FAM81B: variants seen among roughly 807,000 people sequenced by gnomAD.
FAM81B encodes family with sequence similarity 81 member B.
In FAM81B, 60 loss-of-function variants were observed where a neutral mutation model predicts 58.7. The ratio of observed to expected loss-of-function variants is 1.02; its 90% CI spans 0.83 to 1.27. The LOEUF (loss-of-function observed/expected upper bound fraction) is 1.27. FAM81B is among the 50% of genes most tolerant of loss of function. The pLI is 0.00. For synonymous variants in FAM81B, 189 were observed against 179.6 expected (o/e 1.05, Z -0.42); for missense variants, 491 against 522.0 (o/e 0.94, Z 0.58).
In FAM81B at chr5:95,446,567, A is replaced by C. The variant is rs1214330640; in HGVS notation, c.899A>C (p.His300Pro). ...CAAAACATTTTTTCCCATAGATTTC[A>C]TTCACTTTCAAGTAATCTGTACGAA... ...HEMNLLEFKF[H>P]SLSSNLYEEV... Residue 300 changes from histidine (H) to proline (P), a missense_variant, in exon 8 of 10, where the codon CAT becomes CCT. Physicochemically the swap from His to Pro is moderately conservative, Grantham distance 77 (BLOSUM62 -2). Transcript: ENST00000283357. The C allele has an allele frequency of 6.3e-7, 1 of 1,580,102 alleles. No individual in the cohort carries two copies. Among genetic ancestry groups the C allele is most frequent in the Admixed American group, 2.0e-5 (1 of 50,454 alleles).
Position 95,448,574 on chromosome 5 carries a change from C to T in FAM81B, c.1225+110C>T, listed in dbSNP as rs766722223. The T allele has an allele frequency of 2.9e-5, 28 of 980,270 alleles. 1 individual carries two copies. The highest frequency in any genetic ancestry group is 2.7e-4 in the South Asian group (15 of 55,816). 60.7% of individuals were successfully genotyped at this position (980,270 alleles called of 1,614,324 possible). A position where few individuals can be genotyped will look rare whatever the true frequency, so the allele number is the denominator to read the frequency against. On this transcript the variant is annotated intron_variant, in intron 9 of 9. Coordinates refer to ENST00000283357, the MANE Select transcript of FAM81B (RefSeq NM_152548.3). ...GGATCAATCTTGTCATTAGTGACAT[C>T]GTTATGTATTTATTCCACTTTTCTA... is the stretch of plus-strand genomic sequence containing the variant.
chr5:95,414,410 T>C (rs1172178472), intron 4 of FAM81B, among the ~76,000 whole-genome samples: 5 of 152,240 alleles, frequency 3.3e-5, no homozygotes, highest in Admixed American at 2.6e-4. Context: ...AAAAAATATT[T>C]ACTGTATATT....
At chr5:95,430,293 T>G (rs1744817884) in intron 6 of FAM81B, among the ~76,000 whole-genome samples, 1 of 151,908 alleles carries the variant, frequency 6.6e-6, no homozygotes, top group African/African-American at 2.4e-5. Context: ...TTTTTATTAG[T>G]CAATTGTGGA....
At chr5:95,422,544 G>A (rs982286659) in intron 5 of FAM81B, among the ~76,000 whole-genome samples, 17 of 136,360 alleles carry the variant, frequency 1.2e-4, no homozygotes, top group Non-Finnish European at 2.6e-4. Flanking sequence ...GTGCAGTGGC[G>A]CGATCTTGGC....
intron 8 of FAM81B, among the ~76,000 whole-genome samples, chr5:95,447,766 C>T (rs1745635772): frequency 6.6e-6 from 1 of 152,194 alleles, no homozygotes; most frequent in Non-Finnish European, 1.5e-5. Context: ...CAGTCCCTAC[C>T]TTGGTTGTAC....
At chr5:95,445,352 A>T (rs953266892) in intron 7 of FAM81B, among the ~76,000 whole-genome samples, 2 of 152,210 alleles carry the variant, frequency 1.3e-5, no homozygotes, top group African/African-American at 2.4e-5. Context: ...ATTTGAAGCC[A>T]ACATCTTATC....
chr5:95,412,091 C>T (rs1762420290), intron 3 of FAM81B, among the ~76,000 whole-genome samples: 2 of 151,952 alleles, frequency 1.3e-5, no homozygotes, highest in Non-Finnish European at 2.9e-5. Context: ...TCCATTAGAG[C>T]TGGCCAACAT....
intron 3 of FAM81B, 104 bp from the exon 4 acceptor site, chr5:95,413,843 G>T: frequency 6.7e-7 from 1 of 1,488,144 alleles, no homozygotes; most frequent in Non-Finnish European, 8.9e-7. Flanking sequence ...ACTTCTCACA[G>T]GGCAAAAATA....
At chr5:95,424,438 A>G (rs1762770085) in intron 5 of FAM81B, among the ~76,000 whole-genome samples, 1 of 145,610 alleles carries the variant, frequency 6.9e-6, no homozygotes, top group Non-Finnish European at 1.5e-5. Flanking sequence ...AGAACAAAAG[A>G]CAAAGAATTT....
At chr5:95,443,657 C>T (rs2152770368) in intron 7 of FAM81B, among the ~76,000 whole-genome samples, 1 of 152,158 alleles carries the variant, frequency 6.6e-6, no homozygotes, top group East Asian at 1.9e-4. Flanking sequence ...TTATACAAAC[C>T]TTTATTTTAC....
rs535322454 is a variant in FAM81B at position 95,407,409 on chromosome 5, C to T, written c.294-6538C>T. Among the ~76,000 whole-genome samples, 20 of 147,414 alleles carry T rather than the reference C, an allele frequency of 1.4e-4. No individual in the cohort carries two copies. In the East Asian group the frequency reaches 1.6e-3, roughly 12 times the overall value. ...TCTCTTTTACACACACACACACACA[C>T]GCACACACACACGCGTGCGCGCACA... On this transcript the variant is annotated intron_variant, in intron 3 of 9. Transcript: ENST00000283357.
At chr5:95,436,669 GT>G (rs1391969155) in intron 6 of FAM81B, 130 bp from the exon 7 acceptor site, 2 of 692,020 alleles carry the variant, frequency 2.9e-6, no homozygotes, top group African/African-American at 3.6e-5. Flanking sequence ...TTAGGTTCAA[GT>G]CTGTTTCCCA....
intron 3 of FAM81B, among the ~76,000 whole-genome samples, chr5:95,407,270 A>G (rs1378598372): frequency 7.1e-6 from 1 of 140,130 alleles, no homozygotes; most frequent in East Asian, 2.0e-4. Flanking sequence ...TTACACACAC[A>G]CACACACACA....
chr5:95,412,187 AT>A (rs1170964444), intron 3 of FAM81B, among the ~76,000 whole-genome samples: 1 of 151,958 alleles, frequency 6.6e-6, no homozygotes, highest in Non-Finnish European at 1.5e-5. Context: ...ATATGTTCAC[AT>A]TTCATTCCTT....
chr5:95,437,996 T>C (rs1470075649), intron 7 of FAM81B, among the ~76,000 whole-genome samples: 2 of 152,206 alleles, frequency 1.3e-5, no homozygotes, highest in Non-Finnish European at 2.9e-5. Context: ...CTAAGTGCCA[T>C]TGAATATAAC....
intron 6 of FAM81B, among the ~76,000 whole-genome samples, chr5:95,432,785 ATTAGG>A (rs1744955192): frequency 6.6e-6 from 1 of 151,672 alleles, no homozygotes; most frequent in Non-Finnish European, 1.5e-5. Context: ...TTCCCCCTTG[ATTAGG>A]TTAGGTGTGC....
chr5:95,403,623 G>A (rs1762169352), intron 3 of FAM81B, among the ~76,000 whole-genome samples: 1 of 152,086 alleles, frequency 6.6e-6, no homozygotes, highest in Non-Finnish European at 1.5e-5. Context: ...GCAGCCAGGT[G>A]GTTTTTTTTA....
chr5:95,410,266 G>A (rs1762372494), intron 3 of FAM81B, among the ~76,000 whole-genome samples: 1 of 152,116 alleles, frequency 6.6e-6, no homozygotes, highest in Non-Finnish European at 1.5e-5. Context: ...ACTATGAGTG[G>A]GCCAGGAAGC....
At chr5:95,435,727 T>C (rs1448280575) in intron 6 of FAM81B, among the ~76,000 whole-genome samples, 1 of 152,202 alleles carries the variant, frequency 6.6e-6, no homozygotes, top group Non-Finnish European at 1.5e-5. Flanking sequence ...CTTTGTCCCA[T>C]TTTTAAATGT....
Sources: gnomAD v4.1 joint callset for allele counts (sites outside exome capture counted in the v4.1 genomes callset) on GRCh38, gnomAD v4.1.1 for gene constraint, MANE v1.5 for transcripts, NCBI Gene and HGNC (gene_info 2026-07-23, HGNC 2026-07-21) for gene names.